Variants in SLC4A4 observed in about 807,000 individuals in gnomAD.
SLC4A4 encodes electrogenic sodium bicarbonate cotransporter 1.
In SLC4A4, 27 loss-of-function variants were observed where a neutral mutation model predicts 111.5. The ratio of observed to expected loss-of-function variants is 0.24; its 90% CI spans 0.18 to 0.33. The LOEUF is 0.33. SLC4A4 is among the 10% of genes least tolerant of loss of function. The pLI, the probability that SLC4A4 is intolerant of heterozygous loss-of-function variation, is 1.00. For missense variants in SLC4A4, 909 were observed against 1,315.5 expected, an observed-to-expected ratio of 0.69 and a Z score of 4.78; for synonymous variants, 443 against 463.4, an observed-to-expected ratio of 0.96 and a Z score of 0.57.
At chr4:71,495,300 GAGA>G (rs1365510011) in intron 15 of SLC4A4, among the ~76,000 whole-genome samples, 1 of 152,086 alleles carries the variant, frequency 6.6e-6, no homozygotes, top group East Asian at 1.9e-4. Context: ...TCTAGTTATA[GAGA>G]AGAATTCTGC....
At chr4:71,558,876 T>C (rs924782194) in intron 22 of SLC4A4, among the ~76,000 whole-genome samples, 31 of 151,822 alleles carry the variant, frequency 2.0e-4, no homozygotes, top group Non-Finnish European at 4.3e-4. Flanking sequence ...AAAAAAACTA[T>C]ATTAACTTAC....
chr4:71,437,310 A>T (rs1383350096), intron 7 of SLC4A4: 1 of 364,432 alleles, frequency 2.7e-6, no homozygotes, highest in East Asian at 6.8e-5. Context: ...TTCCAATAAC[A>T]CGGTTTTGGG....
chr4:71,317,757 A>G (rs187686476), intron 3 of SLC4A4, among the ~76,000 whole-genome samples: 1 of 152,172 alleles, frequency 6.6e-6, no homozygotes, highest in East Asian at 1.9e-4. Context: ...TACGGACTTT[A>G]TGGTCAGACA....
intron 2 of SLC4A4, among the ~76,000 whole-genome samples, chr4:71,153,182 T>TTCA: frequency 6.6e-6 from 1 of 151,808 alleles, no homozygotes; most frequent in Non-Finnish European, 1.5e-5. Context: ...GTCTGATGTT[T>TTCA]GAGGGCAGGA....
chr4:71,111,244 A>G (rs1743076578), intron 2 of SLC4A4, among the ~76,000 whole-genome samples: 1 of 152,220 alleles, frequency 6.6e-6, no homozygotes, highest in African/African-American at 2.4e-5. Flanking sequence ...AAACGTAGAC[A>G]ACTTGTCACC....
chr4:71,070,150 C>A (rs986292774), intron 1 of SLC4A4, among the ~76,000 whole-genome samples: 3 of 152,166 alleles, frequency 2.0e-5, no homozygotes, highest in African/African-American at 7.2e-5. Context: ...TGTTGACTGA[C>A]TGAATGAATG....
chr4:71,193,194 C>T (rs1745815097), intron 1 of SLC4A4, among the ~76,000 whole-genome samples: 1 of 152,222 alleles, frequency 6.6e-6, no homozygotes, highest in Non-Finnish European at 1.5e-5. Flanking sequence ...GTCGCCCTGT[C>T]TGTCGCCCAG....
At chr4:71,145,409 T>C (rs1744135302) in intron 2 of SLC4A4, among the ~76,000 whole-genome samples, 1 of 152,172 alleles carries the variant, frequency 6.6e-6, no homozygotes. Flanking sequence ...TAAAATTCTC[T>C]TTTTTTGTTG....
chr4:71,552,247 C>T (rs1194792704), intron 20 of SLC4A4, among the ~76,000 whole-genome samples: 2 of 151,844 alleles, frequency 1.3e-5, no homozygotes, highest in Non-Finnish European at 2.9e-5. Context: ...AGTAATTTCT[C>T]AATGTTACAT....
At chr4:71,125,710 A>G (rs1206893399) in intron 2 of SLC4A4, among the ~76,000 whole-genome samples, 1 of 152,234 alleles carries the variant, frequency 6.6e-6, no homozygotes, top group East Asian at 1.9e-4. Context: ...AGTTAATGGT[A>G]TCAAGGCATT....
At chr4:71,101,250 C>A (rs1742724612) in intron 2 of SLC4A4, among the ~76,000 whole-genome samples, 1 of 152,038 alleles carries the variant, frequency 6.6e-6, no homozygotes. Flanking sequence ...CAGTGCAAGA[C>A]TCCGTCTCAA....
At chr4:71,130,537 C>T (rs971843931) in intron 2 of SLC4A4, among the ~76,000 whole-genome samples, 1 of 152,118 alleles carries the variant, frequency 6.6e-6, no homozygotes, top group African/African-American at 2.4e-5. Context: ...AGTGCCTGGC[C>T]TCATTTTGTT....
At position 71,486,705 on chromosome 4, in the gene SLC4A4, C is replaced by A. The variant is rs117706939; in HGVS notation, c.1904-243C>A. ...TGAAACCTGAAACAAATTTTAATAC[C>A]GTCTCTTTAAATATTCACCATCATT... On this transcript the variant is annotated intron_variant, in intron 14 of 25. Transcript: ENST00000264485. Among the ~76,000 whole-genome samples the A allele has an allele frequency of 2.0e-3, 296 of 150,930 alleles. 2 individuals are homozygous for A. The highest frequency in any genetic ancestry group is 0.012 in the East Asian group (63 of 5,106).
chr4:71,263,596 AAT>A (rs1722027150), intron 3 of SLC4A4, among the ~76,000 whole-genome samples: 1 of 152,218 alleles, frequency 6.6e-6, no homozygotes, highest in Admixed American at 6.5e-5. Flanking sequence ...CTTTAACCTA[AAT>A]CCTTACTGAA....
rs540388376 is a variant in SLC4A4 at position 71,486,990 on chromosome 4, A to G, written c.1946A>G (p.Tyr649Cys). The change falls in exon 15 of 26, where the codon TAT becomes TGT. Residue 649 changes from tyrosine to cysteine, a missense_variant. Around this residue, in one of 7 missense-constraint regions of SLC4A4, gnomAD observed 264 missense variants for 356.8 expected, o/e 0.74. Transcript: ENST00000264485. ...AATGACACCACACTGGCCCCAGAGTATTTGCCAACTATGTCTTCTACTGAC... is the reference window on the plus strand; with the variant it reads ...AATGACACCACACTGGCCCCAGAGTGTTTGCCAACTATGTCTTCTACTGAC... ...ISNDTTLAPE[Y>C]LPTMSSTDMY... The G allele has an allele frequency of 1.2e-6, 2 of 1,601,896 alleles. No homozygotes were observed. The highest frequency in any genetic ancestry group is 1.3e-5 in the African/African-American group (1 of 74,598).
intron 2 of SLC4A4, among the ~76,000 whole-genome samples, chr4:71,100,504 A>G (rs1742695530): frequency 6.6e-6 from 1 of 152,216 alleles, no homozygotes; most frequent in Non-Finnish European, 1.5e-5. Flanking sequence ...TGGATGGGCA[A>G]AAGCTGGAAG....
At chr4:71,285,363 G>C (rs1723833296) in intron 3 of SLC4A4, among the ~76,000 whole-genome samples, 1 of 152,076 alleles carries the variant, frequency 6.6e-6, no homozygotes, top group Non-Finnish European at 1.5e-5. Context: ...GCTGTCAGTG[G>C]TGCTCTGTGT....
intron 12 of SLC4A4, among the ~76,000 whole-genome samples, chr4:71,463,682 G>A (rs56060484): frequency 0.022 from 3,360 of 152,186 alleles, 124 homozygotes; most frequent in African/African-American, 0.076. Flanking sequence ...TACCGAATGA[G>A]CAACAATGCC....
At chr4:71,091,966 T>C (rs1742404284) in intron 1 of SLC4A4, among the ~76,000 whole-genome samples, 1 of 152,210 alleles carries the variant, frequency 6.6e-6, no homozygotes, top group Non-Finnish European at 1.5e-5. Flanking sequence ...AGTAACATTC[T>C]ATGTAAGCCA....
Sources: allele counts gnomAD v4.1 joint callset (sites outside exome capture counted in the v4.1 genomes callset), GRCh38; gene constraint gnomAD v4.1.1; regional missense constraint gnomAD v4.1.1; transcripts MANE v1.5; gene names NCBI Gene and HGNC (gene_info 2026-07-23, HGNC 2026-07-21).